TUNAR: variants seen among roughly 807,000 people sequenced by gnomAD.
TUNAR encodes protein TUNAR.
At chr14:95,882,430 C>T (rs542715050) in intron 2 of TUNAR, among the ~76,000 whole-genome samples, 8 of 152,276 alleles carry the variant, frequency 5.3e-5, no homozygotes, top group East Asian at 3.9e-4. Flanking sequence ...TTTCCAGCAA[C>T]GAGAAGCACA....
chr14:95,922,793 AG>A lies in TUNAR; in HGVS notation c.27del (p.Lys10ArgfsTer2), dbSNP rs1412651277. 2 of 398,944 alleles carry A rather than the reference AG, an allele frequency of 5.0e-6. No individual in the cohort carries two copies. Among genetic ancestry groups the A allele is most frequent in the Admixed American group, 4.4e-5 (1 of 22,716 alleles). 24.7% of individuals were successfully genotyped at this position (398,944 alleles called of 1,614,324 possible). A position where few individuals can be genotyped will look rare whatever the true frequency, so the allele number is the denominator to read the frequency against. On this transcript the variant is annotated frameshift_variant, in exon 3 of 3. Coordinates refer to ENST00000678517, the Ensembl canonical transcript of TUNAR. LOFTEE classifies it high-confidence loss of function. Reference sequence around the variant, plus strand: ...TTTCCAATTACAGGTTAGCCTGGCAAGGAAGATAAAGACATTTGCAACCAAG... The same window carrying A: ...TTTCCAATTACAGGTTAGCCTGGCAAGAAGATAAAGACATTTGCAACCAAG...
chr14:95,889,915 C>A (rs1177819763), intron 2 of TUNAR, among the ~76,000 whole-genome samples: 4 of 150,070 alleles, frequency 2.7e-5, no homozygotes, highest in Non-Finnish European at 5.9e-5. Flanking sequence ...TTTCACGAGG[C>A]CTACCTAGTC....
At chr14:95,913,168 C>CT (rs796896521) in intron 2 of TUNAR, among the ~76,000 whole-genome samples, 21 of 138,578 alleles carry the variant, frequency 1.5e-4, no homozygotes, top group African/African-American at 5.8e-4. Context: ...AAATTCTACT[C>CT]TAAGTTCTGG....
intron 2 of TUNAR, among the ~76,000 whole-genome samples, chr14:95,921,486 T>G (rs769107586): frequency 6.6e-6 from 1 of 152,254 alleles, no homozygotes; most frequent in Non-Finnish European, 1.5e-5. Context: ...CTGCCCAGTC[T>G]GCCTCCTGGA....
chr14:95,902,504 G>T (rs1889370187), intron 2 of TUNAR, among the ~76,000 whole-genome samples: 2 of 152,224 alleles, frequency 1.3e-5, no homozygotes, highest in African/African-American at 2.4e-5. Context: ...AAATATTCAT[G>T]AAATACAGGC....
chr14:95,905,058 G>A (rs1429207502), intron 2 of TUNAR, among the ~76,000 whole-genome samples: 1 of 152,208 alleles, frequency 6.6e-6, no homozygotes, highest in Non-Finnish European at 1.5e-5. Context: ...GTGGGACTTA[G>A]CAAAGGCCCT....
chr14:95,884,788 C>T (rs1432697227), intron 2 of TUNAR, among the ~76,000 whole-genome samples: 1 of 152,232 alleles, frequency 6.6e-6, no homozygotes, highest in African/African-American at 2.4e-5. Flanking sequence ...ACTGCGGTCC[C>T]CACAATCTGT....
intron 2 of TUNAR, among the ~76,000 whole-genome samples, chr14:95,882,533 C>T (rs1888996657): frequency 6.6e-6 from 1 of 152,210 alleles, no homozygotes; most frequent in South Asian, 2.1e-4. Flanking sequence ...AGTTAAAAAC[C>T]TTCGCCTTCC....
At chr14:95,923,957 T>G (rs1595128897) in exon 3 of TUNAR, 1 of 151,838 alleles carries the variant, frequency 6.6e-6, no homozygotes, top group Non-Finnish European at 1.5e-5. Context: ...GGACTACCTT[T>G]GAGGAAGAAG....
chr14:95,909,641 C>G (rs1566790673), intron 2 of TUNAR, among the ~76,000 whole-genome samples: 1 of 152,150 alleles, frequency 6.6e-6, no homozygotes, highest in Non-Finnish European at 1.5e-5. Flanking sequence ...TGTCCCTACC[C>G]CCCATCTCAG....
At chr14:95,912,711 T>C (rs935501018) in intron 2 of TUNAR, among the ~76,000 whole-genome samples, 1 of 152,250 alleles carries the variant, frequency 6.6e-6, no homozygotes, top group African/African-American at 2.4e-5. Context: ...AGAAAAAAAT[T>C]ATTTGCAGTC....
intron 2 of TUNAR, among the ~76,000 whole-genome samples, chr14:95,882,495 T>C (rs1888996065): frequency 6.6e-6 from 1 of 152,210 alleles, no homozygotes; most frequent in Non-Finnish European, 1.5e-5. Context: ...GTATGTGGCT[T>C]ATGACAAGTG....
In TUNAR at chr14:95,876,820, T is replaced by G. The variant is rs919104134; in HGVS notation, c.-306-40T>G. 1 of 152,148 alleles carries G rather than the reference T, an allele frequency of 6.6e-6. No individual in the cohort carries two copies. Among genetic ancestry groups the G allele is most frequent in the Non-Finnish European group, 1.5e-5 (1 of 68,054 alleles). The allele number at this position is 152,148 out of a possible 1,614,324, so 9.4% of individuals were successfully genotyped here. On this transcript the variant is annotated intron_variant, in intron 1 of 2. Coordinates refer to ENST00000678517, the Ensembl canonical transcript of TUNAR. Reference sequence around the variant, plus strand: ...CGGGGTGCAGCTCTGCGCGTTCTCATGCTGTCTCTCTCTCTTTCCCTCCGC... The same window carrying G: ...CGGGGTGCAGCTCTGCGCGTTCTCAGGCTGTCTCTCTCTCTTTCCCTCCGC...
intron 2 of TUNAR, among the ~76,000 whole-genome samples, chr14:95,911,067 A>G (rs1398815723): frequency 6.6e-6 from 1 of 152,186 alleles, no homozygotes; most frequent in Non-Finnish European, 1.5e-5. Flanking sequence ...GGAATTGAAC[A>G]TCCATGTACC....
chr14:95,883,460 G>A (rs900575142), intron 2 of TUNAR, among the ~76,000 whole-genome samples: 1 of 152,232 alleles, frequency 6.6e-6, no homozygotes, highest in Non-Finnish European at 1.5e-5. Flanking sequence ...TTAACAAACA[G>A]TTATGGAGCA....
chr14:95,903,182 A>T (rs1050307663), intron 2 of TUNAR, among the ~76,000 whole-genome samples: 3 of 152,158 alleles, frequency 2.0e-5, no homozygotes, highest in Non-Finnish European at 4.4e-5. Flanking sequence ...GAAAGGGGAG[A>T]TGTTTCTCCC....
At chr14:95,906,823 A>G (rs961252718) in intron 2 of TUNAR, among the ~76,000 whole-genome samples, 1 of 152,204 alleles carries the variant, frequency 6.6e-6, no homozygotes, top group Non-Finnish European at 1.5e-5. Flanking sequence ...TCTATAGCAA[A>G]AGATACACTC....
At chr14:95,910,475 G>C (rs554287570) in intron 2 of TUNAR, among the ~76,000 whole-genome samples, 1 of 152,218 alleles carries the variant, frequency 6.6e-6, no homozygotes, top group Non-Finnish European at 1.5e-5. Context: ...TGTGTGGCTG[G>C]ATAGTAGCTA....
chr14:95,904,510 G>C (rs916271306), intron 2 of TUNAR, among the ~76,000 whole-genome samples: 16 of 152,268 alleles, frequency 1.1e-4, no homozygotes, highest in African/African-American at 3.4e-4. Context: ...TCTGGGTGAG[G>C]GATAGGTATG....
Sources: allele counts gnomAD v4.1 joint callset (sites outside exome capture counted in the v4.1 genomes callset), GRCh38; gene constraint gnomAD v4.1.1; transcripts MANE v1.5; gene names NCBI Gene and HGNC (gene_info 2026-07-23, HGNC 2026-07-21).